Variants in ATF7 observed in about 807,000 individuals in gnomAD.
The protein encoded by ATF7 is activating transcription factor 7.
A neutral mutation model predicts 50.4 loss-of-function variants in ATF7; 10 were observed. The observed-to-expected ratio is 0.20, with a 90% CI of 0.12 to 0.34. The LOEUF is 0.34. Ranked by LOEUF, ATF7 falls within the 10% of genes least tolerant of loss-of-function variation. The pLI is 1.00. For missense variants in ATF7, 465 were observed against 613.9 expected (o/e 0.76, Z 2.56); for synonymous variants, 201 against 226.4 (o/e 0.89, Z 1.01).
chr12:53,551,852 C>T (rs1940376160), intron 3 of ATF7, among the ~76,000 whole-genome samples: 1 of 152,210 alleles, frequency 6.6e-6, no homozygotes, highest in Admixed American at 6.5e-5. Flanking sequence ...AAAGAAAAAG[C>T]TCACTTTGGT....
chr12:53,599,290 T>G (rs1160052314), intron 2 of ATF7, among the ~76,000 whole-genome samples: 2 of 152,056 alleles, frequency 1.3e-5, no homozygotes, highest in African/African-American at 4.8e-5. Flanking sequence ...TCACCCTGCC[T>G]TGGACTCTGA....
intron 10 of ATF7, 39 bp from the exon 11 acceptor site, chr12:53,523,423 A>G: frequency 6.9e-7 from 1 of 1,445,800 alleles, no homozygotes; most frequent in Admixed American, 1.7e-5. Context: ...AAGAAAATTC[A>G]TCCTCTACTC....
At chr12:53,601,087 G>A in intron 1 of ATF7, 66 bp from the exon 2 acceptor site, 1 of 1,073,290 alleles carries the variant, frequency 9.3e-7, no homozygotes, top group South Asian at 1.4e-5. Context: ...AAAAAAAAGT[G>A]CTTCAAAAAT....
In ATF7 at chr12:53,537,446, G is replaced by C. The variant is rs1001038358; in HGVS notation, c.371C>G (p.Ser124Cys). The C allele has an allele frequency of 1.9e-6, 3 of 1,613,862 alleles. No individual in the cohort carries two copies. The highest frequency in any genetic ancestry group is 2.5e-6 in the Non-Finnish European group (3 of 1,179,862). The part of the protein sequence containing the change: ...VDSSPPDSPA[S>C]SPCSPPLKEK... ...CTTCAGTGGTGGGGAACAGGGACTA[G>C]AGGCAGGGCTATCAGGTGGGGATGA... Residue 124 changes from serine to cysteine, a missense_variant, in exon 5 of 12, where the codon TCT (serine) becomes TGT (cysteine). Physicochemically the swap from Ser to Cys is moderately radical, Grantham distance 112. Coordinates refer to ENST00000420353, the MANE Select transcript of ATF7 (RefSeq NM_006856.3).
intron 2 of ATF7, among the ~76,000 whole-genome samples, chr12:53,570,835 C>T (rs1941712478): frequency 1.3e-5 from 2 of 151,538 alleles, no homozygotes; most frequent in South Asian, 4.2e-4. Flanking sequence ...GCCCACCTTA[C>T]TTCAGTATGA....
At chr12:53,536,567 G>A (rs889988730) in intron 5 of ATF7, among the ~76,000 whole-genome samples, 33 of 149,806 alleles carry the variant, frequency 2.2e-4, no homozygotes, top group Non-Finnish European at 3.9e-4. Flanking sequence ...ATGAGCCACC[G>A]TGCCTGACTG....
chr12:53,548,142 T>C (rs1341752569), intron 3 of ATF7, among the ~76,000 whole-genome samples: 1 of 151,876 alleles, frequency 6.6e-6, no homozygotes, highest in Non-Finnish European at 1.5e-5. Context: ...GCTGGGATTG[T>C]AGGCGTGAGG....
intron 1 of ATF7, among the ~76,000 whole-genome samples, chr12:53,612,841 T>TA (rs1943952099): frequency 6.6e-6 from 1 of 152,046 alleles, no homozygotes; most frequent in African/African-American, 2.4e-5. Flanking sequence ...CTGTCTCTAC[T>TA]AAAAATACAA....
chr12:53,597,035 G>A (rs115431537), intron 2 of ATF7, among the ~76,000 whole-genome samples: 5 of 152,268 alleles, frequency 3.3e-5, no homozygotes, highest in Middle Eastern at 3.4e-3. Flanking sequence ...TATTAGCAGG[G>A]ATATTGCTTT....
At chr12:53,616,217 G>A (rs1020216217) in intron 1 of ATF7, among the ~76,000 whole-genome samples, 5 of 152,034 alleles carry the variant, frequency 3.3e-5, no homozygotes, top group Non-Finnish European at 7.4e-5. Flanking sequence ...CTTGGCTCCC[G>A]TTAGTTTACT....
In ATF7 at chr12:53,517,038, A is replaced by G; in HGVS notation, c.*99T>C. 2 of 1,297,322 alleles carry G rather than the reference A, an allele frequency of 1.5e-6. No homozygotes were observed. Among genetic ancestry groups the G allele is most frequent in the Non-Finnish European group, 2.2e-6 (2 of 917,568 alleles). The allele number at this position is 1,297,322 out of a possible 1,614,324, so 80.4% of individuals were successfully genotyped here. On this transcript the variant is annotated 3_prime_UTR_variant, in exon 12 of 12. Coordinates refer to ENST00000420353, the MANE Select transcript of ATF7 (RefSeq NM_006856.3). ...ACAACACACAATTCCCCCCACCCAT[A>G]TTGCCATGTCCAAGGCAGATGGGAG... is the stretch of plus-strand genomic sequence containing the variant.
intron 1 of ATF7, among the ~76,000 whole-genome samples, chr12:53,624,880 A>T (rs1410334131): frequency 1.3e-5 from 2 of 152,250 alleles, no homozygotes; most frequent in Non-Finnish European, 2.9e-5. Context: ...TGACTGGGGA[A>T]GCCACATTTA....
downstream of ATF7, among the ~76,000 whole-genome samples, chr12:53,510,880 A>C (rs886889581): frequency 2.0e-5 from 3 of 152,152 alleles, no homozygotes; most frequent in Non-Finnish European, 4.4e-5. Flanking sequence ...AAAACCTCAT[A>C]ATCTGGGCTT....
chr12:53,550,337 AATAAAT>A (rs1565944462), intron 3 of ATF7, among the ~76,000 whole-genome samples: 35 of 136,000 alleles, frequency 2.6e-4, no homozygotes, highest in Non-Finnish European at 4.4e-4. Context: ...AAAAAAAATA[AATAAAT>A]AAATAAATAA....
intron 2 of ATF7, among the ~76,000 whole-genome samples, chr12:53,584,891 A>C (rs1942602542): frequency 6.6e-6 from 1 of 152,160 alleles, no homozygotes; most frequent in Non-Finnish European, 1.5e-5. Flanking sequence ...GGTCAGTGGG[A>C]AGTGAGGGAT....
At chr12:53,508,776 T>C (rs1222063976), downstream of ATF7, among the ~76,000 whole-genome samples, 2 of 152,084 alleles carry the variant, frequency 1.3e-5, no homozygotes, top group Admixed American at 1.3e-4. Context: ...GCCATTTCCT[T>C]TTCCTAGAAT....
At chr12:53,616,814 G>A (rs982947899) in intron 1 of ATF7, among the ~76,000 whole-genome samples, 4 of 151,480 alleles carry the variant, frequency 2.6e-5, no homozygotes, top group Admixed American at 2.0e-4. Flanking sequence ...GTGTAGCAGC[G>A]TGTGCCTGTA....
At chr12:53,552,034 G>A (rs941033437) in intron 3 of ATF7, among the ~76,000 whole-genome samples, 5 of 152,186 alleles carry the variant, frequency 3.3e-5, no homozygotes, top group Non-Finnish European at 4.4e-5. Context: ...CTGACTAAAT[G>A]TCTTGTTTGA....
At chr12:53,517,666 C>T (rs1668712970) in intron 11 of ATF7, 1 of 357,514 alleles carries the variant, frequency 2.8e-6, no homozygotes, top group Non-Finnish European at 5.2e-6. Context: ...TATTATTATT[C>T]ATTACTTCTA....
Sources: allele counts gnomAD v4.1 joint callset (sites outside exome capture counted in the v4.1 genomes callset), GRCh38; gene constraint gnomAD v4.1.1; transcripts MANE v1.5; gene names NCBI Gene and HGNC (gene_info 2026-07-23, HGNC 2026-07-21).